RAPGEF5: variants seen among roughly 807,000 people sequenced by gnomAD.
The protein encoded by RAPGEF5 is M-Ras-regulated GEF.
A neutral mutation model predicts 125.2 loss-of-function variants in RAPGEF5; 65 were observed. The observed-to-expected ratio is 0.52, with a 90% CI of 0.43 to 0.64. The LOEUF is 0.64. RAPGEF5 is among the 30% of genes least tolerant of loss of function. The probability of loss-of-function intolerance (pLI) is 0.00; values close to 1 mark genes in which losing one functional copy is unlikely to be tolerated. For missense variants in RAPGEF5, 958 were observed against 1,048.1 expected, an observed-to-expected ratio of 0.91 and a Z score of 1.19; for synonymous variants, 391 against 385.9, an observed-to-expected ratio of 1.01 and a Z score of -0.16.
intron 20 of RAPGEF5, among the ~76,000 whole-genome samples, chr7:22,141,690 C>A (rs1405262553): frequency 6.6e-6 from 1 of 152,248 alleles, no homozygotes; most frequent in Non-Finnish European, 1.5e-5. Context: ...ATCTTGCAGG[C>A]ACCTTGCTGC....
At chr7:22,237,725 C>T (rs555180422) in intron 7 of RAPGEF5, among the ~76,000 whole-genome samples, 2 of 152,276 alleles carry the variant, frequency 1.3e-5, no homozygotes, top group East Asian at 3.9e-4. Flanking sequence ...CAATAATCCT[C>T]GTCTCAGAGA....
At chr7:22,293,556 A>G (rs1007424912) in intron 5 of RAPGEF5, among the ~76,000 whole-genome samples, 7 of 152,102 alleles carry the variant, frequency 4.6e-5, no homozygotes, top group Admixed American at 3.3e-4. Flanking sequence ...ATGCCTAAAG[A>G]TATCAGGATC....
At chr7:22,285,643 A>C (rs2128145884) in intron 6 of RAPGEF5, among the ~76,000 whole-genome samples, 1 of 152,280 alleles carries the variant, frequency 6.6e-6, no homozygotes. Flanking sequence ...TCATTTTATA[A>C]CCTCTCTGGA....
intron 6 of RAPGEF5, among the ~76,000 whole-genome samples, chr7:22,269,790 G>A (rs1052384722): frequency 1.1e-4 from 16 of 152,296 alleles, no homozygotes; most frequent in African/African-American, 3.6e-4. Context: ...AGTGCCAGTT[G>A]AGCCTTCAAA....
chr7:22,142,616 A>G (rs779779739), intron 20 of RAPGEF5, among the ~76,000 whole-genome samples: 12 of 152,256 alleles, frequency 7.9e-5, no homozygotes, highest in Non-Finnish European at 1.3e-4. Context: ...AAATTGATAC[A>G]GTGCAAATAT....
At chr7:22,244,145 G>A (rs1786410100) in intron 7 of RAPGEF5, among the ~76,000 whole-genome samples, 1 of 151,880 alleles carries the variant, frequency 6.6e-6, no homozygotes, top group Admixed American at 6.6e-5. Flanking sequence ...TTTCAAGACT[G>A]AATAGTATTC....
At chr7:22,292,332 CAGAA>C (rs2128147923) in intron 5 of RAPGEF5, among the ~76,000 whole-genome samples, 1 of 152,284 alleles carries the variant, frequency 6.6e-6, no homozygotes, top group South Asian at 2.1e-4. Flanking sequence ...AACCCTTTTC[CAGAA>C]AGAAAGTCCC....
At chr7:22,335,865 CTT>C (rs1784018903) in intron 1 of RAPGEF5, among the ~76,000 whole-genome samples, 1 of 152,162 alleles carries the variant, frequency 6.6e-6, no homozygotes, top group African/African-American at 2.4e-5. Context: ...AACGACCACA[CTT>C]ATAATTTCTT....
intron 8 of RAPGEF5, among the ~76,000 whole-genome samples, chr7:22,223,828 A>G (rs1297376459): frequency 6.6e-6 from 1 of 152,146 alleles, no homozygotes; most frequent in African/African-American, 2.4e-5. Flanking sequence ...ATGATCTGAA[A>G]ATAAGAAATT....
chr7:22,263,778 T>C (rs1345200986), intron 7 of RAPGEF5, among the ~76,000 whole-genome samples: 1 of 150,632 alleles, frequency 6.6e-6, no homozygotes, highest in East Asian at 1.9e-4. Context: ...AAAAAAATAA[T>C]TGGAAATAGC....
intron 16 of RAPGEF5, among the ~76,000 whole-genome samples, chr7:22,155,936 A>C (rs1361399223): frequency 6.6e-6 from 1 of 152,256 alleles, no homozygotes; most frequent in Non-Finnish European, 1.5e-5. Context: ...CAAATGGGCA[A>C]GGAAGGTCAG....
At position 22,210,652 on chromosome 7, in the gene RAPGEF5, C is replaced by A. The variant is rs151245960; in HGVS notation, c.996+9214G>T. ...GTGCCCCTAATCCTTTACTCTGACT[C>A]ACTTTGCCTCAGTCGTGCCCAGTCA... On this transcript the variant is annotated intron_variant, in intron 9 of 25. Transcript: ENST00000665637. Among the ~76,000 whole-genome samples the A allele has an allele frequency of 2.5e-4, 38 of 152,288 alleles. No individual in the cohort carries two copies. In the East Asian group the frequency reaches 6.9e-3, roughly 28 times the overall value.
At chr7:22,186,997 T>TA (rs1461900266) in intron 11 of RAPGEF5, among the ~76,000 whole-genome samples, 1 of 152,226 alleles carries the variant, frequency 6.6e-6, no homozygotes, top group African/African-American at 2.4e-5. Context: ...CAAGGTTATA[T>TA]AAAAACACAC....
chr7:22,342,396 C>T (rs1206895717), intron 1 of RAPGEF5, among the ~76,000 whole-genome samples: 1 of 152,212 alleles, frequency 6.6e-6, no homozygotes, highest in Non-Finnish European at 1.5e-5. Flanking sequence ...GGACCTTTTT[C>T]TGCTTCACAA....
At chr7:22,202,374 T>C (rs191641496) in intron 9 of RAPGEF5, among the ~76,000 whole-genome samples, 8 of 152,278 alleles carry the variant, frequency 5.3e-5, no homozygotes, top group Admixed American at 4.6e-4. Flanking sequence ...GGGCTTGCCT[T>C]ATCTACAGCC....
rs560234568 is a variant in RAPGEF5 at position 22,139,115 on chromosome 7, G to A, written c.2277+910C>T. Among the ~76,000 whole-genome samples the A allele has an allele frequency of 2.2e-3, 329 of 152,234 alleles. 2 individuals are homozygous for A. The highest frequency in any genetic ancestry group is 7.6e-3 in the African/African-American group (315 of 41,534). On this transcript the variant is annotated intron_variant, in intron 21 of 25. Transcript: ENST00000665637. The stretch of plus-strand genomic sequence containing the variant: ...CACAGGTTGCCCAGAGACCTATTCC[G>A]AGAAAAAGATAGCTGGCCTATCAGC...
intron 9 of RAPGEF5, among the ~76,000 whole-genome samples, chr7:22,207,628 G>A (rs973404392): frequency 2.0e-5 from 3 of 152,140 alleles, no homozygotes; most frequent in Admixed American, 1.3e-4. Flanking sequence ...ATAAATTCCA[G>A]CAAGTTGCTT....
chr7:22,242,535 G>A (rs892026377), intron 7 of RAPGEF5, among the ~76,000 whole-genome samples: 3 of 152,224 alleles, frequency 2.0e-5, no homozygotes, highest in African/African-American at 7.2e-5. Context: ...CTAGGGCAGA[G>A]TGACTGGCAT....
In RAPGEF5 at chr7:22,356,917, C is replaced by A. The variant is rs1011767753; in HGVS notation, c.144G>T (p.Ala48=). ...AREPEREQPP[A]SLRPRLRDLP... ...GGTCCCTCAGCCGCGGCCGCAGCGACGCCGGCGGCTGCTCGCGCTCGGGCT... is the reference window on the plus strand; with the variant it reads ...GGTCCCTCAGCCGCGGCCGCAGCGAAGCCGGCGGCTGCTCGCGCTCGGGCT... The change falls in exon 1 of 26, where the codon GCG becomes GCT. Residue 48 remains alanine, a synonymous_variant. Transcript: ENST00000665637. The A allele has an allele frequency of 7.9e-5, 87 of 1,095,604 alleles. No homozygotes were observed. Among genetic ancestry groups the A allele is most frequent in the Non-Finnish European group, 9.4e-5 (85 of 902,496 alleles). 67.9% of individuals were successfully genotyped at this position (1,095,604 alleles called of 1,614,324 possible).
Sources: allele counts gnomAD v4.1 joint callset (sites outside exome capture counted in the v4.1 genomes callset), GRCh38; gene constraint gnomAD v4.1.1; transcripts MANE v1.5; gene names NCBI Gene and HGNC (gene_info 2026-07-23, HGNC 2026-07-21).